The following SPATA7 variants were observed in gnomAD, a reference collection of about 807,000 sequenced individuals.
The protein encoded by SPATA7 is spermatogenesis-associated protein 7.
In SPATA7, 43 loss-of-function variants were observed where a neutral mutation model predicts 51.8. The ratio of observed to expected loss-of-function variants is 0.83; its 90% CI spans 0.65 to 1.07. The LOEUF is 1.07. SPATA7 is among the 50% of genes least tolerant of loss of function. The pLI is 0.00. For missense variants in SPATA7, 683 were observed against 701.3 expected, an observed-to-expected ratio of 0.97 and a Z score of 0.30; for synonymous variants, 230 against 252.8, an observed-to-expected ratio of 0.91 and a Z score of 0.86.
At chr14:88,435,213 G>A (rs140844768) in intron 10 of SPATA7, among the ~76,000 whole-genome samples, 52 of 152,254 alleles carry the variant, frequency 3.4e-4, no homozygotes, top group African/African-American at 1.2e-3. Flanking sequence ...AGCACTTAAT[G>A]GAAATTAATA....
chr14:88,402,912 A>G (rs553950490), intron 4 of SPATA7, among the ~76,000 whole-genome samples: 80 of 147,388 alleles, frequency 5.4e-4, no homozygotes, highest in Non-Finnish European at 9.9e-4. Context: ...TGTATCTGAT[A>G]AGAGGTTAAT....
chr14:88,409,193 A>G (rs1057007993), intron 4 of SPATA7, among the ~76,000 whole-genome samples: 4 of 152,072 alleles, frequency 2.6e-5, no homozygotes, highest in African/African-American at 4.8e-5. Flanking sequence ...CTTTGTACCT[A>G]TAGAGGAATT....
chr14:88,396,026 T>C lies in SPATA7; in HGVS notation c.191-130T>C, dbSNP rs978562583. On this transcript the variant is annotated intron_variant, in intron 3 of 11. Transcript: ENST00000393545. ...CCAACAGTGTATTTTTAATCAAGGA[T>C]CTTGTGTTTTCCATCGCTAGAAGTA... The C allele has an allele frequency of 4.1e-6, 3 of 734,606 alleles. No homozygotes were observed. In the African/African-American group the frequency reaches 5.3e-5, roughly 13 times the overall value. The allele number at this position is 734,606 out of a possible 1,614,324, so 45.5% of individuals were successfully genotyped here. A position where few individuals can be genotyped will look rare whatever the true frequency, so the allele number is the denominator to read the frequency against.
chr14:88,403,577 G>A (rs1490972101), intron 4 of SPATA7, among the ~76,000 whole-genome samples: 1 of 152,128 alleles, frequency 6.6e-6, no homozygotes, highest in African/African-American at 2.4e-5. Context: ...TGTCATTTCT[G>A]TCATTTGTGA....
intron 3 of SPATA7, among the ~76,000 whole-genome samples, chr14:88,449,200 T>A (rs896219634): frequency 1.3e-5 from 2 of 152,194 alleles, no homozygotes; most frequent in Admixed American, 6.5e-5. Context: ...TGTAGGCATT[T>A]AATACTATGA....
chr14:88,396,070 T>C, intron 3 of SPATA7, 86 bp from the exon 4 acceptor site: 1 of 1,053,326 alleles, frequency 9.5e-7, no homozygotes, highest in Non-Finnish European at 1.5e-6. Flanking sequence ...AGCTGCAAGG[T>C]CTGGAACATT....
intron 4 of SPATA7, chr14:88,414,625 T>C (rs1242530513): frequency 5.3e-6 from 2 of 377,140 alleles, no homozygotes; most frequent in Non-Finnish European, 1.0e-5. Flanking sequence ...CTACTTCCTC[T>C]AGTTGCAATG....
intron 4 of SPATA7, among the ~76,000 whole-genome samples, chr14:88,401,556 C>T (rs969264207): frequency 6.6e-6 from 1 of 152,052 alleles, no homozygotes; most frequent in Non-Finnish European, 1.5e-5. Context: ...AGCAGTAGAG[C>T]TGGGTGTGGT....
chr14:88,437,891 G>A lies in SPATA7; in HGVS notation c.1269G>A (p.Ser423=), dbSNP rs149387181. 4.1e-5 allele frequency: 66 copies of A among 1,610,236 alleles called. 1 individual carries two copies. In the East Asian group the frequency reaches 1.1e-3, roughly 27 times the overall value. ...HVLKVDLGCT[S]EENSVKQNDV... ...TGAAAGTAGACTTAGGCTGCACATC[G>A]GAGGAAAACTCGGTAAAGCAAAATG... The change falls in exon 12 of 12, where the codon TCG becomes TCA. Residue 423 remains serine (S), a synonymous_variant. Coordinates refer to ENST00000393545, the MANE Select transcript of SPATA7 (RefSeq NM_018418.5).
intron 4 of SPATA7, among the ~76,000 whole-genome samples, chr14:88,461,498 C>A (rs1430029419): frequency 6.6e-6 from 1 of 152,268 alleles, no homozygotes; most frequent in Middle Eastern, 3.4e-3. Context: ...GGGCGTGGGA[C>A]CCTCCGAGCC....
At chr14:88,457,098 A>G (rs911615068), downstream of SPATA7, among the ~76,000 whole-genome samples, 5 of 152,168 alleles carry the variant, frequency 3.3e-5, no homozygotes, top group Non-Finnish European at 5.9e-5. Flanking sequence ...CTGTTTTGGT[A>G]CCAGTACCAT....
chr14:88,426,813 TTTGA>T (rs2076807879), intron 6 of SPATA7, 109 bp downstream of exon 6: 2 of 985,552 alleles, frequency 2.0e-6, no homozygotes, highest in African/African-American at 1.6e-5. Context: ...ATAGTGCCCT[TTTGA>T]TTGGAATGAG....
At chr14:88,422,416 G>A (rs1488921355) in intron 5 of SPATA7, among the ~76,000 whole-genome samples, 2 of 152,006 alleles carry the variant, frequency 1.3e-5, no homozygotes, top group Non-Finnish European at 2.9e-5. Context: ...AATCACAGGT[G>A]TATTTTCATT....
intron 2 of SPATA7, among the ~76,000 whole-genome samples, chr14:88,392,430 A>G (rs975394136): frequency 2.0e-5 from 3 of 152,162 alleles, no homozygotes; most frequent in African/African-American, 7.2e-5. Context: ...CTCAGTTTTC[A>G]CTTCGATTAA....
intron 5 of SPATA7, among the ~76,000 whole-genome samples, chr14:88,420,285 C>T (rs527788013): frequency 5.3e-5 from 8 of 152,288 alleles, no homozygotes; most frequent in Non-Finnish European, 1.2e-4. Context: ...CACTAGTCCA[C>T]ACTCAGTCTT....
chr14:88,460,098 C>T (rs560642104), downstream of SPATA7, among the ~76,000 whole-genome samples: 4 of 152,284 alleles, frequency 2.6e-5, no homozygotes, highest in South Asian at 2.1e-4. Context: ...TGATGGTCTT[C>T]CCTTTGTGGG....
chr14:88,395,806 G>A (rs113705510), intron 3 of SPATA7, among the ~76,000 whole-genome samples: 1 of 152,054 alleles, frequency 6.6e-6, no homozygotes, highest in Admixed American at 6.5e-5. Flanking sequence ...ATGCCACACT[G>A]CCTTAATTAT....
chr14:88,411,695 G>C (rs1212328033), intron 4 of SPATA7, among the ~76,000 whole-genome samples: 2 of 152,084 alleles, frequency 1.3e-5, no homozygotes, highest in African/African-American at 2.4e-5. Flanking sequence ...CCCTCCGTGG[G>C]CTGCACATAT....
intron 5 of SPATA7, among the ~76,000 whole-genome samples, chr14:88,424,907 C>T (rs2076745851): frequency 6.6e-6 from 1 of 151,982 alleles, no homozygotes; most frequent in Non-Finnish European, 1.5e-5. Flanking sequence ...AATTTTTTTG[C>T]TTTGATAAAT....
Sources: allele counts gnomAD v4.1 joint callset (sites outside exome capture counted in the v4.1 genomes callset), GRCh38; gene constraint gnomAD v4.1.1; transcripts MANE v1.5; gene names NCBI Gene and HGNC (gene_info 2026-07-23, HGNC 2026-07-21).